RAD17: variants seen among roughly 807,000 people sequenced by gnomAD.
RAD17 encodes RAD17 checkpoint clamp loader component, also known as cell cycle checkpoint protein RAD17.
Under a neutral mutation model 81.5 loss-of-function variants are expected in RAD17, and 31 were observed. The observed-to-expected ratio is 0.38, with a 90% CI of 0.29 to 0.51. RAD17 has a LOEUF of 0.51. RAD17 is among the 20% of genes least tolerant of loss of function. The pLI is 0.88. For synonymous variants in RAD17, 261 were observed against 266.2 expected, an observed-to-expected ratio of 0.98 and a Z score of 0.19; for missense variants, 681 against 781.2, an observed-to-expected ratio of 0.87 and a Z score of 1.53.
intron 15 of RAD17, among the ~76,000 whole-genome samples, chr5:69,395,567 GA>G (rs2150843455): frequency 6.6e-6 from 1 of 152,080 alleles, no homozygotes; most frequent in Non-Finnish European, 1.5e-5. Context: ...TGACACCAAG[GA>G]TAAATGCTTG....
intron 11 of RAD17, among the ~76,000 whole-genome samples, chr5:69,388,191 A>AT (rs17229985): frequency 0.36 from 54,315 of 150,796 alleles, 10,735 homozygotes; most frequent in Non-Finnish European, 0.46. Flanking sequence ...CAAAACAAAA[A>AT]TTTTTTTTTT....
intron 11 of RAD17, 40 bp downstream of exon 11, chr5:69,386,505 G>T (rs1396926756): frequency 1.3e-6 from 2 of 1,514,318 alleles, no homozygotes; most frequent in South Asian, 1.4e-5. Flanking sequence ...GATAACTATA[G>T]AAAGCCTAGC....
intron 7 of RAD17, 86 bp from the exon 8 acceptor site, chr5:69,384,711 C>A: frequency 8.1e-7 from 1 of 1,238,746 alleles, no homozygotes; most frequent in East Asian, 2.5e-5. Context: ...TGAGATGCAT[C>A]AAGTATGTGT....
Position 69,373,685 on chromosome 5 carries a change from AATT to A in RAD17, c.10-144_10-142del, listed in dbSNP as rs1238737073. 2.1e-4 allele frequency: 81 copies of A among 380,050 alleles called. 2 individuals are homozygous for A. The highest frequency in any genetic ancestry group is 7.1e-4 in the Admixed American group (7 of 9,868). The allele number at this position is 380,050 out of a possible 1,614,324, so 23.5% of individuals were successfully genotyped here. A position where few individuals can be genotyped will look rare whatever the true frequency, so the allele number is the denominator to read the frequency against. On this transcript the variant is annotated intron_variant, in intron 4 of 18. Transcript: ENST00000354868. ...ACAGAGTGAGACCCGGTCTCAAAAA[AATT>A]TTTTTTTTTTTTTTTTTTTTTTTTT...
At position 69,393,444 on chromosome 5, in the gene RAD17, A is replaced by G. The variant is rs775175854; in HGVS notation, c.1366A>G (p.Ile456Val). ...YIDFFMEIDDIVRASEFLSFA... is the reference protein window; with the variant it reads ...YIDFFMEIDDVVRASEFLSFA... ...AGATTTCTTCATGGAAATTGATGAT[A>G]TTGTGAGAGCCAGTGAATTTCTGAG... The change falls in exon 15 of 19, where the codon ATT becomes GTT. Residue 456 changes from isoleucine (I) to valine (V), a missense_variant. Physicochemically the swap from Ile to Val is conservative, Grantham distance 29. Transcript: ENST00000354868. The G allele has an allele frequency of 7.5e-6, 12 of 1,610,582 alleles. No individual in the cohort carries two copies. Among genetic ancestry groups the G allele is most frequent in the Non-Finnish European group, 1.0e-5 (12 of 1,178,458 alleles).
At chr5:69,386,345 T>G in intron 10 of RAD17, 40 bp downstream of exon 10, 1 of 1,582,208 alleles carries the variant, frequency 6.3e-7, no homozygotes, top group Non-Finnish European at 8.6e-7. Flanking sequence ...CACATACATA[T>G]TATATTTTTA....
chr5:69,395,477 A>C (rs1480939672), intron 15 of RAD17, among the ~76,000 whole-genome samples: 1 of 152,218 alleles, frequency 6.6e-6, no homozygotes, highest in African/African-American at 2.4e-5. Flanking sequence ...GTGCCACCAC[A>C]TTCCAGGCTG....
intron 4 of RAD17, 57 bp downstream of exon 4, chr5:69,372,274 AT>A: frequency 7.3e-7 from 1 of 1,367,604 alleles, no homozygotes; most frequent in Non-Finnish European, 1.0e-6. Context: ...ACTGCCGATA[AT>A]ATTCCTAACT....
At chr5:69,369,582 C>T, upstream of RAD17, 13 of 1,602,800 alleles carry the variant, frequency 8.1e-6, no homozygotes, top group Non-Finnish European at 8.5e-7. Flanking sequence ...CAAAAGCCCA[C>T]GGCCCCAAAG....
At chr5:69,385,128 T>A (rs946906003) in intron 8 of RAD17, among the ~76,000 whole-genome samples, 195 bp downstream of exon 8, 1 of 151,370 alleles carries the variant, frequency 6.6e-6, no homozygotes, top group Admixed American at 6.6e-5. Flanking sequence ...CCCGGCTAAT[T>A]TTTTGTATTT....
chr5:69,413,240 A>G (rs1395906562), intron 18 of RAD17, among the ~76,000 whole-genome samples: 2 of 152,086 alleles, frequency 1.3e-5, no homozygotes, highest in Non-Finnish European at 2.9e-5. Flanking sequence ...CGGGAGTTCA[A>G]GATTACCCTG....
chr5:69,376,542 G>A lies in RAD17; in HGVS notation c.351+1831G>A, dbSNP rs2165566. Among the ~76,000 whole-genome samples, 833 of 152,298 alleles carry A rather than the reference G, an allele frequency of 5.5e-3. 16 individuals are homozygous for A. The highest frequency in any genetic ancestry group is 0.019 in the African/African-American group (799 of 41,564). On this transcript the variant is annotated intron_variant, in intron 6 of 18. Transcript: ENST00000354868. ...ACAGCCAAATTGGGTAGAAGGTACA[G>A]AGATGTACCTCATATCCCCTGCCCC...
In RAD17 at chr5:69,392,003, A is replaced by G. The variant is rs777330873; in HGVS notation, c.1179A>G (p.Leu393=). The change falls in exon 13 of 19, where the codon CTA becomes CTG. Residue 393 remains leucine, a synonymous_variant. Transcript: ENST00000354868. ...LFLFRALGKI[L]YCKRASLTEL... ...TCTTCAGAGCTTTGGGGAAAATTCT[A>G]TATTGTAAAAGTAAGAAATTTTTAC... 5.8e-5 allele frequency: 90 copies of G among 1,540,272 alleles called. No homozygotes were observed. The Admixed American group carries it at 7.8e-4, about 13-fold the overall frequency.
chr5:69,391,719 T>G, intron 12 of RAD17, 112 bp from the exon 13 acceptor site: 1 of 888,574 alleles, frequency 1.1e-6, no homozygotes, highest in East Asian at 3.3e-5. Flanking sequence ...TTTTTGTTTA[T>G]TAGGAAAACA....
chr5:69,372,779 T>C (rs537180120), intron 4 of RAD17, among the ~76,000 whole-genome samples: 1 of 152,184 alleles, frequency 6.6e-6, no homozygotes. Context: ...GCCTGGCTAA[T>C]TTTTTATTTT....
chr5:69,395,386 C>T (rs988148039), intron 15 of RAD17, among the ~76,000 whole-genome samples: 48 of 152,026 alleles, frequency 3.2e-4, no homozygotes, highest in African/African-American at 1.1e-3. Flanking sequence ...GTGGCATGCA[C>T]CTGTAGTCGT....
intron 7 of RAD17, among the ~76,000 whole-genome samples, chr5:69,382,900 C>A (rs1763944246): frequency 6.6e-6 from 1 of 152,108 alleles, no homozygotes; most frequent in Admixed American, 6.5e-5. Flanking sequence ...TCTCATGCCT[C>A]AGCCTCCTGA....
chr5:69,406,570 C>T (rs1476069151), intron 17 of RAD17, among the ~76,000 whole-genome samples: 2 of 152,060 alleles, frequency 1.3e-5, no homozygotes, highest in Non-Finnish European at 2.9e-5. Context: ...GGTATGATCA[C>T]GGCTCACTGC....
At chr5:69,398,068 C>T (rs1345968349) in intron 16 of RAD17, among the ~76,000 whole-genome samples, 1 of 151,400 alleles carries the variant, frequency 6.6e-6, no homozygotes, top group Non-Finnish European at 1.5e-5. Flanking sequence ...AGTGAGCTGA[C>T]ATGGCGCCAC....
Sources: allele counts gnomAD v4.1 joint callset (sites outside exome capture counted in the v4.1 genomes callset), GRCh38; gene constraint gnomAD v4.1.1; transcripts MANE v1.5; gene names NCBI Gene and HGNC (gene_info 2026-07-23, HGNC 2026-07-21).